KCTD1: variants seen among roughly 807,000 people sequenced by gnomAD.
KCTD1 encodes potassium channel tetramerization domain containing 1.
In KCTD1, 24 loss-of-function variants were observed where a neutral mutation model predicts 66.0. That is an observed-to-expected ratio of 0.36 (90% CI 0.26 to 0.51). The LOEUF is 0.51. Ranked by LOEUF, KCTD1 falls within the 20% of genes least tolerant of loss-of-function variation. The pLI is 0.95. For missense variants in KCTD1, 943 were observed against 1,205.2 expected (o/e 0.78, Z 3.22); for synonymous variants, 511 against 517.2 (o/e 0.99, Z 0.16).
chr18:26,513,073 T>C (rs1023570595), intron 1 of KCTD1, among the ~76,000 whole-genome samples: 1 of 151,422 alleles, frequency 6.6e-6, no homozygotes, highest in Non-Finnish European at 1.5e-5. Flanking sequence ...TTTCTGGGTT[T>C]TATAAATCCA....
chr18:26,486,585 G>C (rs1981932487), intron 2 of KCTD1, among the ~76,000 whole-genome samples: 3 of 152,224 alleles, frequency 2.0e-5, no homozygotes, highest in African/African-American at 2.4e-5. Flanking sequence ...CCTGTGTGAA[G>C]AAACATTCTT....
At chr18:26,469,691 C>A (rs1404175248) in intron 3 of KCTD1, among the ~76,000 whole-genome samples, 1 of 152,116 alleles carries the variant, frequency 6.6e-6, no homozygotes, top group Non-Finnish European at 1.5e-5. Flanking sequence ...TCTACTTAGT[C>A]CTATATAATT....
chr18:26,539,402 G>A (rs765474316), intron 1 of KCTD1, among the ~76,000 whole-genome samples: 7 of 152,210 alleles, frequency 4.6e-5, no homozygotes, highest in Admixed American at 1.3e-4. Context: ...TGATTCAGGG[G>A]CACAGAGTGG....
At chr18:26,536,792 T>C (rs1353005385) in intron 1 of KCTD1, among the ~76,000 whole-genome samples, 1 of 152,160 alleles carries the variant, frequency 6.6e-6, no homozygotes. Flanking sequence ...TTTTTCTGAA[T>C]AGCATTCTCC....
At chr18:26,560,616 A>G (rs1249744454) in intron 1 of KCTD1, among the ~76,000 whole-genome samples, 1 of 152,172 alleles carries the variant, frequency 6.6e-6, no homozygotes, top group Non-Finnish European at 1.5e-5. Context: ...ACACATGTCT[A>G]TTCAGGTCTG....
chr18:26,591,526 A>G (rs539854114), intron 1 of KCTD1: 1 of 152,342 alleles, frequency 6.6e-6, no homozygotes, highest in South Asian at 2.1e-4. Context: ...ACAGAGCCAC[A>G]TCCCAAATTC....
At chr18:26,537,569 A>G in intron 1 of KCTD1, among the ~76,000 whole-genome samples, 1 of 152,352 alleles carries the variant, frequency 6.6e-6, no homozygotes, top group Admixed American at 6.5e-5. Flanking sequence ...GTACACCTCA[A>G]CTTTAAGTGG....
chr18:26,630,014 C>T (rs1987583767), upstream of KCTD1, among the ~76,000 whole-genome samples: 2 of 152,150 alleles, frequency 1.3e-5, no homozygotes, highest in African/African-American at 4.8e-5. Flanking sequence ...TGAGGTATAG[C>T]CCACAGAACC....
intron 1 of KCTD1, among the ~76,000 whole-genome samples, chr18:26,564,466 G>C (rs189954814): frequency 6.6e-6 from 1 of 151,934 alleles, no homozygotes; most frequent in Admixed American, 6.5e-5. Flanking sequence ...TATCTGTTAG[G>C]ACCCAGCTCA....
intron 3 of KCTD1, among the ~76,000 whole-genome samples, chr18:26,467,427 A>T (rs1377485199): frequency 1.3e-5 from 2 of 152,162 alleles, no homozygotes; most frequent in East Asian, 3.8e-4. Flanking sequence ...CTGAGCGGGG[A>T]GGACTGCTTG....
At chr18:26,480,978 G>A (rs1981617939) in intron 2 of KCTD1, among the ~76,000 whole-genome samples, 1 of 152,202 alleles carries the variant, frequency 6.6e-6, no homozygotes, top group Non-Finnish European at 1.5e-5. Flanking sequence ...GGCTTAGCGT[G>A]AATCATTCAT....
At chr18:26,546,471 C>G (rs1366735678) in intron 1 of KCTD1, among the ~76,000 whole-genome samples, 1 of 152,134 alleles carries the variant, frequency 6.6e-6, no homozygotes, top group Non-Finnish European at 1.5e-5. Context: ...TTTTGTTCGG[C>G]GAACTTTGAA....
chr18:26,489,667 A>C (rs1982092531), intron 2 of KCTD1, among the ~76,000 whole-genome samples: 1 of 152,200 alleles, frequency 6.6e-6, no homozygotes, highest in African/African-American at 2.4e-5. Flanking sequence ...CCTGATAAAA[A>C]ACATTTCCTC....
chr18:26,546,526 C>CCT (rs1985228124), intron 1 of KCTD1, among the ~76,000 whole-genome samples: 1 of 152,128 alleles, frequency 6.6e-6, no homozygotes, highest in South Asian at 2.1e-4. Flanking sequence ...GGTAGCATGC[C>CCT]CTCTCTCACA....
intron 1 of KCTD1, among the ~76,000 whole-genome samples, chr18:26,653,019 T>C (rs1988065225): frequency 6.6e-6 from 1 of 152,152 alleles, no homozygotes; most frequent in South Asian, 2.1e-4. Context: ...CATCAGTATT[T>C]CCCCTACCCT....
At chr18:26,619,041 C>G (rs1005250282) in intron 1 of KCTD1, among the ~76,000 whole-genome samples, 3 of 152,140 alleles carry the variant, frequency 2.0e-5, no homozygotes, top group Non-Finnish European at 2.9e-5. Context: ...TAATTATTGT[C>G]TATTTGGCAG....
At chr18:26,584,102 T>C (rs1986418626) in intron 1 of KCTD1, among the ~76,000 whole-genome samples, 1 of 152,216 alleles carries the variant, frequency 6.6e-6, no homozygotes, top group African/African-American at 2.4e-5. Flanking sequence ...TCATTTCTTA[T>C]ATGAAAGACC....
Position 26,544,350 on chromosome 18 carries a change from G to A in KCTD1, c.1809+2378C>T, listed in dbSNP as rs550854423. On this transcript the variant is annotated intron_variant, in intron 1 of 4. Coordinates refer to ENST00000580059, the MANE Select transcript of KCTD1 (RefSeq NM_001142730.3). ...ATAATATACTTAACAACACCCTCAA[G>A]AAGTAAAAAGAGTAAATGCATTTAA... 3 of 152,232 alleles carry A rather than the reference G, an allele frequency of 2.0e-5. No individual in the cohort carries two copies. In the South Asian group the frequency reaches 6.2e-4, roughly 32 times the overall value. The allele number at this position is 152,232 out of a possible 1,614,324, so 9.4% of individuals were successfully genotyped here.
upstream of KCTD1, among the ~76,000 whole-genome samples, chr18:26,550,982 T>C (rs902308618): frequency 1.3e-5 from 2 of 152,154 alleles, no homozygotes; most frequent in African/African-American, 4.8e-5. The surrounding 1 kb of genome is among the most constrained non-coding windows in gnomAD (Gnocchi z 5.4). Flanking sequence ...CCGCGCTGGC[T>C]CCGGGCTGCG....
Sources: gnomAD v4.1 joint callset for allele counts (sites outside exome capture counted in the v4.1 genomes callset) on GRCh38, gnomAD v4.1.1 for gene constraint, Gnocchi (gnomAD v3.1) non-coding constraint, MANE v1.5 for transcripts, NCBI Gene and HGNC (gene_info 2026-07-23, HGNC 2026-07-21) for gene names.